The following ANKRD61 variants were observed in gnomAD, a reference collection of about 807,000 sequenced individuals.
The protein encoded by ANKRD61 is ankyrin repeat domain-containing protein 61.
Under a neutral mutation model 8.4 loss-of-function variants are expected in ANKRD61, and 7 were observed. That is an observed-to-expected ratio of 0.84 (90% CI 0.48 to 1.57). The LOEUF is 1.57. Among genes scored for constraint, ANKRD61 ranks in the 40% most tolerant of loss-of-function variants. The pLI is 0.00. For missense variants in ANKRD61, 516 were observed against 523.4 expected (o/e 0.99, Z 0.14); for synonymous variants, 198 against 208.0 (o/e 0.95, Z 0.41).
chr7:6,035,970 G>C lies in ANKRD61; in HGVS notation c.841G>C (p.Ala281Pro), dbSNP rs1219580206. Residue 281 changes from alanine to proline, a missense_variant, in exon 3 of 3, where the codon GCC (alanine) becomes CCC (proline). Coordinates refer to ENST00000409061, the MANE Select transcript of ANKRD61 (RefSeq NM_001271700.2). This position sits in a 1 kb window ranked among gnomAD's most constrained non-coding sequence, Gnocchi z 5.5. ...VNAQDYKGQT[A>P]IHEACFGGRE... The stretch of plus-strand genomic sequence containing the variant: ...CGCCCAGGACTACAAGGGCCAAACA[G>C]CCATCCATGAGGCATGCTTTGGAGG... 15 of 1,550,232 alleles carry C rather than the reference G, an allele frequency of 9.7e-6. No individual in the cohort carries two copies. The highest frequency in any genetic ancestry group is 1.2e-5 in the South Asian group (1 of 83,990).
At chr7:6,034,644 C>G (rs933893729) in intron 2 of ANKRD61, among the ~76,000 whole-genome samples, 2 of 152,190 alleles carry the variant, frequency 1.3e-5, no homozygotes, top group Non-Finnish European at 2.9e-5. Context: ...GCTGTTTCAC[C>G]ATATCCATAG....
chr7:6,036,129 C>A lies in ANKRD61; in HGVS notation c.1000C>A (p.Leu334Ile), dbSNP rs117715040. The A allele has an allele frequency of 8.6e-3, 13,369 of 1,550,624 alleles. 79 individuals carry two copies. Among genetic ancestry groups the A allele is most frequent in the Middle Eastern group, 0.014 (86 of 5,992 alleles). ...AAGAGATACGGCACTTCTGGCCAGG[C>A]TACTTTATCACACTTATCCTCTGAG... ...NVRDTALLAR[L>I]LYHTYPLRMT... Residue 334 changes from leucine (L) to isoleucine (I), a missense_variant, in exon 3 of 3, where the codon CTA becomes ATA. Coordinates refer to ENST00000409061, the MANE Select transcript of ANKRD61 (RefSeq NM_001271700.2). The surrounding 1 kb of genome is among the most constrained non-coding windows in gnomAD (Gnocchi z 4.6).
rs547045673 is a variant in ANKRD61 at position 6,033,306 on chromosome 7, T to C, written c.314+370T>C. ...CATTTCTAAGTGAGGATATACCTGA[T>C]ATAGATTTTTTTTTCAGTTCATACA... On this transcript the variant is annotated intron_variant, in intron 2 of 2. Transcript: ENST00000409061. The surrounding 1 kb of genome is among the most constrained non-coding windows in gnomAD (Gnocchi z 4.4). Among the ~76,000 whole-genome samples, 271 of 152,342 alleles carry C rather than the reference T, an allele frequency of 1.8e-3. 1 individual carries two copies. Among genetic ancestry groups the C allele is most frequent in the Non-Finnish European group, 2.9e-3 (194 of 68,036 alleles).
At position 6,035,777 on chromosome 7, in the gene ANKRD61, G is replaced by A; in HGVS notation, c.648G>A (p.Met216Ile). 6.4e-7 allele frequency: 1 copy of A among 1,551,136 alleles called. No individual in the cohort carries two copies. Residue 216 changes from methionine (M) to isoleucine (I), a missense_variant, in exon 3 of 3, where the codon ATG becomes ATA. Coordinates refer to ENST00000409061, the MANE Select transcript of ANKRD61 (RefSeq NM_001271700.2). The surrounding 1 kb of genome is among the most constrained non-coding windows in gnomAD (Gnocchi z 5.5). ...CCGCAAACATGCTGAATAAGGAGATGATGGAAACGCTCATTGCCTATGGAG... is the reference window on the plus strand; with the variant it reads ...CCGCAAACATGCTGAATAAGGAGATAATGGAAACGCTCATTGCCTATGGAG... ...HMAANMLNKEMMETLIAYGAN... is the reference protein window; with the variant it reads ...HMAANMLNKEIMETLIAYGAN...
chr7:6,036,446 GCTA>G lies in ANKRD61; in HGVS notation c.*61_*63del. 7.9e-7 allele frequency: 1 copy of G among 1,263,760 alleles called. No individual in the cohort carries two copies. The highest frequency in any genetic ancestry group is 1.1e-6 in the Non-Finnish European group (1 of 951,756). 78.3% of individuals were successfully genotyped at this position (1,263,760 alleles called of 1,614,324 possible). A position where few individuals can be genotyped will look rare whatever the true frequency, so the allele number is the denominator to read the frequency against. ...TCAGCCACTCAAACTGCATTTTCTG[GCTA>G]GACATGTCCCAGAAAATGCTTCACC... On this transcript the variant is annotated 3_prime_UTR_variant, in exon 3 of 3. Transcript: ENST00000409061. This position sits in a 1 kb window ranked among gnomAD's most constrained non-coding sequence, Gnocchi z 4.6.
chr7:6,035,364 G>A lies in ANKRD61; in HGVS notation c.315-80G>A. On this transcript the variant is annotated intron_variant, in intron 2 of 2. Transcript: ENST00000409061. The surrounding 1 kb of genome is among the most constrained non-coding windows in gnomAD (Gnocchi z 5.5). ...AAGGGTCTTACTTTAAATAAATACT[G>A]GCTTCTTAAGCATTAACTGTCCACG... The A allele has an allele frequency of 7.8e-7, 1 of 1,282,372 alleles. No homozygotes were observed. The highest frequency in any genetic ancestry group is 1.1e-6 in the Non-Finnish European group (1 of 933,176). The allele number at this position is 1,282,372 out of a possible 1,614,324, so 79.4% of individuals were successfully genotyped here.
chr7:6,034,027 A>G (rs1333846128), intron 2 of ANKRD61, among the ~76,000 whole-genome samples: 1 of 150,806 alleles, frequency 6.6e-6, no homozygotes, highest in Admixed American at 6.6e-5. Flanking sequence ...GAAAGAATTA[A>G]GTAGTATAGG....
rs955471577 is a variant in ANKRD61 at position 6,036,208 on chromosome 7, G to A, written c.1079G>A (p.Arg360His). The change falls in exon 3 of 3, where the codon CGC becomes CAC. Residue 360 changes from arginine to histidine, a missense_variant. Arg to His is a conservative substitution (Grantham distance 29, BLOSUM62 0). Transcript: ENST00000409061. This position sits in a 1 kb window ranked among gnomAD's most constrained non-coding sequence, Gnocchi z 4.6. ...GCAGGAATCATGCTACCAGAATTCCGCCTCTTAAGGGACACCCTAATAAAG... is the reference window on the plus strand; with the variant it reads ...GCAGGAATCATGCTACCAGAATTCCACCTCTTAAGGGACACCCTAATAAAG... ...LPAGIMLPEF[R>H]LLRDTLIKQS... 7.1e-6 allele frequency: 11 copies of A among 1,549,454 alleles called. No homozygotes were observed. Among genetic ancestry groups the A allele is most frequent in the South Asian group, 2.4e-5 (2 of 84,012 alleles).
At position 6,035,295 on chromosome 7, in the gene ANKRD61, C is replaced by G; in HGVS notation, c.315-149C>G. 6.3e-6 allele frequency: 5 copies of G among 797,600 alleles called. No individual in the cohort carries two copies. The South Asian group carries it at 1.0e-4, about 16-fold the overall frequency. 49.4% of individuals were successfully genotyped at this position (797,600 alleles called of 1,614,324 possible). A position where few individuals can be genotyped will look rare whatever the true frequency, so the allele number is the denominator to read the frequency against. On this transcript the variant is annotated intron_variant, in intron 2 of 2. Transcript: ENST00000409061. This position sits in a 1 kb window ranked among gnomAD's most constrained non-coding sequence, Gnocchi z 5.5. ...AAAAACCCTGGGATAGCCTGAGAAA[C>G]TACCCAGCGATACAGATTTTGAAAC...
Position 6,035,603 on chromosome 7 carries a change from A to G in ANKRD61, c.474A>G (p.Gln158=), listed in dbSNP as rs1788055208. 2 of 1,550,956 alleles carry G rather than the reference A, an allele frequency of 1.3e-6. No homozygotes were observed. The highest frequency in any genetic ancestry group is 1.7e-6 in the Non-Finnish European group (2 of 1,147,106). ...GCATCTTGTGTGCGCACGGAGCTCA[A>G]GTGAACACTCAAGGGGAAATCAGCA... The part of the protein sequence containing the change: ...CLRILCAHGA[Q]VNTQGEISNK... The change falls in exon 3 of 3, where the codon CAA becomes CAG. Residue 158 remains glutamine, a synonymous_variant. Coordinates refer to ENST00000409061, the MANE Select transcript of ANKRD61 (RefSeq NM_001271700.2). This position sits in a 1 kb window ranked among gnomAD's most constrained non-coding sequence, Gnocchi z 5.5.
rs1246888047 is a variant in ANKRD61 at position 6,033,621 on chromosome 7, C to T, written c.314+685C>T. The stretch of plus-strand genomic sequence containing the variant: ...GTTTTTGTTTTTTGAGACAGAGTCT[C>T]GCTCTGTCGCCCAGGCTGGAGTGCA... On this transcript the variant is annotated intron_variant, in intron 2 of 2. Coordinates refer to ENST00000409061, the MANE Select transcript of ANKRD61 (RefSeq NM_001271700.2). This position sits in a 1 kb window ranked among gnomAD's most constrained non-coding sequence, Gnocchi z 4.4. Among the ~76,000 whole-genome samples, 4 of 151,822 alleles carry T rather than the reference C, an allele frequency of 2.6e-5. No individual in the cohort carries two copies. The highest frequency in any genetic ancestry group is 7.2e-5 in the African/African-American group (3 of 41,384).
Position 6,035,820 on chromosome 7 carries a change from G to C in ANKRD61, c.691G>C (p.Val231Leu). 6.5e-7 allele frequency: 1 copy of C among 1,549,990 alleles called. No individual in the cohort carries two copies. Residue 231 changes from valine to leucine, a missense_variant, in exon 3 of 3, where the codon GTC becomes CTC. Val to Leu is a conservative substitution (Grantham distance 32). Coordinates refer to ENST00000409061, the MANE Select transcript of ANKRD61 (RefSeq NM_001271700.2). The surrounding 1 kb of genome is among the most constrained non-coding windows in gnomAD (Gnocchi z 5.5). ...CTATGGAGCAAACGTCAACTGTGCT[G>C]TCTCTTCCACGGGGAACACGCCCCT... ...IAYGANVNCA[V>L]SSTGNTPLKL...
chr7:6,036,092 C>T lies in ANKRD61; in HGVS notation c.963C>T (p.Arg321=), dbSNP rs1179831207. Residue 321 remains arginine (R), a synonymous_variant, in exon 3 of 3, where the codon CGC becomes CGT. Coordinates refer to ENST00000409061, the MANE Select transcript of ANKRD61 (RefSeq NM_001271700.2). The surrounding 1 kb of genome is among the most constrained non-coding windows in gnomAD (Gnocchi z 4.6). ...GESPIYMYLQ[R]SCNVRDTALL... ...CTCCAATTTATATGTACCTTCAGCG[C>T]AGTTGCAATGTAAGAGATACGGCAC... 8 of 1,550,820 alleles carry T rather than the reference C, an allele frequency of 5.2e-6. No homozygotes were observed. The highest frequency in any genetic ancestry group is 7.0e-6 in the Non-Finnish European group (8 of 1,147,100).
In ANKRD61 at chr7:6,033,812, G is replaced by A. The variant is rs1218045646; in HGVS notation, c.314+876G>A. 3.3e-5 allele frequency among the ~76,000 whole-genome samples: 5 copies of A among 151,236 alleles called. No homozygotes were observed. Among genetic ancestry groups the A allele is most frequent in the Admixed American group, 6.6e-5 (1 of 15,222 alleles). The stretch of plus-strand genomic sequence containing the variant: ...TCTCAATCTCCTGACCTCGTGATCC[G>A]TCCACCTCAGCCTCCCAAAGTGCTG... On this transcript the variant is annotated intron_variant, in intron 2 of 2. Coordinates refer to ENST00000409061, the MANE Select transcript of ANKRD61 (RefSeq NM_001271700.2). The surrounding 1 kb of genome is among the most constrained non-coding windows in gnomAD (Gnocchi z 4.4).
In ANKRD61 at chr7:6,036,298, A is replaced by G; in HGVS notation, c.1169A>G (p.Glu390Gly). ...CKRNIRNIYG[E>G]KYKQHLKQFL... ...AGAAACATCAGGAATATTTATGGTG[A>G]GAAATACAAACAGCACTTGAAGCAA... The change falls in exon 3 of 3, where the codon GAG becomes GGG. Residue 390 changes from glutamate to glycine, a missense_variant. By Grantham distance (98) the Glu-to-Gly change is moderately conservative. Coordinates refer to ENST00000409061, the MANE Select transcript of ANKRD61 (RefSeq NM_001271700.2). The surrounding 1 kb of genome is among the most constrained non-coding windows in gnomAD (Gnocchi z 4.6). 2.6e-6 allele frequency: 4 copies of G among 1,548,198 alleles called. No homozygotes were observed. The highest frequency in any genetic ancestry group is 3.5e-6 in the Non-Finnish European group (4 of 1,146,468).
At position 6,033,810 on chromosome 7, in the gene ANKRD61, C is replaced by T. The variant is rs1787984856; in HGVS notation, c.314+874C>T. Among the ~76,000 whole-genome samples, 1 of 151,682 alleles carries T rather than the reference C, an allele frequency of 6.6e-6. No homozygotes were observed. The highest frequency in any genetic ancestry group is 2.4e-5 in the African/African-American group (1 of 41,294). On this transcript the variant is annotated intron_variant, in intron 2 of 2. Coordinates refer to ENST00000409061, the MANE Select transcript of ANKRD61 (RefSeq NM_001271700.2). This position sits in a 1 kb window ranked among gnomAD's most constrained non-coding sequence, Gnocchi z 4.4. ...AGTCTCAATCTCCTGACCTCGTGATCCGTCCACCTCAGCCTCCCAAAGTGC... is the reference window on the plus strand; with the variant it reads ...AGTCTCAATCTCCTGACCTCGTGATTCGTCCACCTCAGCCTCCCAAAGTGC...
At position 6,035,390 on chromosome 7, in the gene ANKRD61, T is replaced by C; in HGVS notation, c.315-54T>C. 1 of 1,477,176 alleles carries C rather than the reference T, an allele frequency of 6.8e-7. No homozygotes were observed. Among genetic ancestry groups the C allele is most frequent in the Admixed American group, 2.0e-5 (1 of 48,970 alleles). The allele number at this position is 1,477,176 out of a possible 1,614,324, so 91.5% of individuals were successfully genotyped here. A position where few individuals can be genotyped will look rare whatever the true frequency, so the allele number is the denominator to read the frequency against. On this transcript the variant is annotated intron_variant, in intron 2 of 2. Coordinates refer to ENST00000409061, the MANE Select transcript of ANKRD61 (RefSeq NM_001271700.2). The surrounding 1 kb of genome is among the most constrained non-coding windows in gnomAD (Gnocchi z 5.5). ...GCTTCTTAAGCATTAACTGTCCACG[T>C]AGAGCCGTTCCCACTGTGAATTCAG...
In ANKRD61 at chr7:6,036,150, CT is replaced by C; in HGVS notation, c.1022del (p.Leu341ArgfsTer3). 6.5e-7 allele frequency: 1 copy of C among 1,550,248 alleles called. No homozygotes were observed. The highest frequency in any genetic ancestry group is 8.7e-7 in the Non-Finnish European group (1 of 1,146,728). On this transcript the variant is annotated frameshift_variant, in exon 3 of 3. Coordinates refer to ENST00000409061, the MANE Select transcript of ANKRD61 (RefSeq NM_001271700.2). LOFTEE classifies it low-confidence loss of function (END_TRUNC). The surrounding 1 kb of genome is among the most constrained non-coding windows in gnomAD (Gnocchi z 4.6). ...LARLLYHTYPLRMTNNQGILP... is the reference protein window; with the variant it reads ...LARLLYHTYPXRMTNNQGILP... ...CAGGCTACTTTATCACACTTATCCT[CT>C]GAGAATGACCAATAACCAAGGAATT... is the stretch of plus-strand genomic sequence containing the variant.
chr7:6,036,249 T>C lies in ANKRD61; in HGVS notation c.1120T>C (p.Leu374=). The C allele has an allele frequency of 1.3e-6, 2 of 1,550,196 alleles. No individual in the cohort carries two copies. Among genetic ancestry groups the C allele is most frequent in the Non-Finnish European group, 1.7e-6 (2 of 1,146,912 alleles). The part of the protein sequence containing the change: ...DTLIKQSQKP[L]SLQGICKRNI... ...CCTAATAAAGCAATCGCAAAAACCT[T>C]TATCCCTACAGGGTATCTGCAAAAG... Residue 374 remains leucine, a synonymous_variant, in exon 3 of 3, where the codon TTA becomes CTA. Transcript: ENST00000409061. The surrounding 1 kb of genome is among the most constrained non-coding windows in gnomAD (Gnocchi z 4.6).
Sources: allele counts gnomAD v4.1 joint callset (sites outside exome capture counted in the v4.1 genomes callset), GRCh38; gene constraint gnomAD v4.1.1; non-coding constraint Gnocchi (gnomAD v3.1); transcripts MANE v1.5; gene names NCBI Gene and HGNC (gene_info 2026-07-23, HGNC 2026-07-21).